The following KLF7 variants were observed in gnomAD, a reference collection of about 807,000 sequenced individuals.
KLF7 encodes Krueppel-like factor 7.
Under a neutral mutation model 27.3 loss-of-function variants are expected in KLF7, and 2 were observed. That is an observed-to-expected ratio of 0.07 (90% CI 0.03 to 0.23). The LOEUF (loss-of-function observed/expected upper bound fraction) is 0.23, where lower values mean the gene tolerates loss of function less well. Among genes scored for constraint, KLF7 ranks in the 10% least tolerant of loss-of-function variants. The pLI is 1.00. For synonymous variants in KLF7, 165 were observed against 162.4 expected, an observed-to-expected ratio of 1.02 and a Z score of -0.12; for missense variants, 221 against 394.1, an observed-to-expected ratio of 0.56 and a Z score of 3.72.
intron 1 of KLF7, among the ~76,000 whole-genome samples, chr2:207,141,283 T>C (rs2077936153): frequency 6.6e-6 from 1 of 152,220 alleles, no homozygotes; most frequent in Non-Finnish European, 1.5e-5. Flanking sequence ...CTGCAGTTTC[T>C]GCTCAGTCTC....
At chr2:207,102,616 G>C (rs1372879748) in intron 2 of KLF7, among the ~76,000 whole-genome samples, 1 of 152,112 alleles carries the variant, frequency 6.6e-6, no homozygotes, top group Non-Finnish European at 1.5e-5. Context: ...AAACTACAAT[G>C]TACTAGGATG....
At chr2:207,112,174 C>CTTTTT (rs1553525812) in intron 2 of KLF7, among the ~76,000 whole-genome samples, 3 of 149,188 alleles carry the variant, frequency 2.0e-5, no homozygotes, top group Non-Finnish European at 4.4e-5. Context: ...TGGGCAAATG[C>CTTTTT]TTTTGAGTGA....
intron 2 of KLF7, among the ~76,000 whole-genome samples, chr2:207,114,366 T>C (rs1456228000): frequency 1.3e-5 from 2 of 152,216 alleles, no homozygotes; most frequent in Non-Finnish European, 2.9e-5. Context: ...GGATGTTGCA[T>C]ATCCCATAGT....
intron 2 of KLF7, among the ~76,000 whole-genome samples, chr2:207,099,078 C>T (rs1405477346): frequency 6.6e-6 from 1 of 151,996 alleles, no homozygotes; most frequent in East Asian, 1.9e-4. Flanking sequence ...AGAAGTAAAC[C>T]AACAGAGAAA....
intron 3 of KLF7, among the ~76,000 whole-genome samples, chr2:207,084,859 C>T (rs1446171636): frequency 2.6e-5 from 4 of 152,020 alleles, no homozygotes; most frequent in Admixed American, 6.6e-5. Context: ...TCATTTCTCT[C>T]GTTTATGAAA....
Position 207,110,160 on chromosome 2 carries a change from GT to G in KLF7, c.733+13613del, listed in dbSNP as rs1295653741. The G allele has an allele frequency of 1.9e-5, 3 of 154,798 alleles. No homozygotes were observed. In the East Asian group the frequency reaches 5.8e-4, roughly 30 times the overall value. The allele number at this position is 154,798 out of a possible 1,614,324, so 9.6% of individuals were successfully genotyped here. ...CTGACAAAATGCAGACATAAAGTAT[GT>G]GTCCATTAGATAAGGCAATTTAAAT... On this transcript the variant is annotated intron_variant, in intron 2 of 3. Transcript: ENST00000309446.
intron 1 of KLF7, among the ~76,000 whole-genome samples, chr2:207,147,448 T>C (rs1282670094): frequency 6.6e-6 from 1 of 152,208 alleles, no homozygotes; most frequent in Non-Finnish European, 1.5e-5. Flanking sequence ...TGCTTATATA[T>C]CCTTTTATTT....
intron 1 of KLF7, among the ~76,000 whole-genome samples, chr2:207,150,121 C>T (rs1272328729): frequency 6.6e-6 from 1 of 152,044 alleles, no homozygotes; most frequent in Non-Finnish European, 1.5e-5. Flanking sequence ...CACACACATA[C>T]AGACATATAC....
At chr2:207,166,002 C>G (rs1457055925), upstream of KLF7, 6 of 990,324 alleles carry the variant, frequency 6.1e-6, no homozygotes, top group Non-Finnish European at 7.2e-6. Flanking sequence ...TTTTTTCTCT[C>G]GCGATCGCTT....
chr2:207,139,778 G>T (rs990187272), intron 1 of KLF7, among the ~76,000 whole-genome samples: 4 of 152,158 alleles, frequency 2.6e-5, no homozygotes, highest in African/African-American at 9.7e-5. Flanking sequence ...GCAAGTCTTG[G>T]TTGAATTGTT....
At position 207,088,559 on chromosome 2, in the gene KLF7, T is replaced by C. The variant is rs369053904; in HGVS notation, c.756A>G (p.Ser252=). 7 of 1,613,830 alleles carry C rather than the reference T, an allele frequency of 4.3e-6. No homozygotes were observed. In the African/African-American group the frequency reaches 5.3e-5, roughly 12 times the overall value. The change falls in exon 3 of 4, where the codon TCA becomes TCG. Residue 252 remains serine, a synonymous_variant. Transcript: ENST00000309446. ...CAAAACGCCACTCACATCCCTCCCA[T>C]GAGCACTTATAAGGCTTCTCACCTG... ...THTGEKPYKC[S]WEGCEWRFAR...
upstream of KLF7, chr2:207,167,340 T>A (rs2106166299): frequency 2.7e-6 from 1 of 365,538 alleles, no homozygotes; most frequent in Non-Finnish European, 4.8e-6. Flanking sequence ...CAAAATGCGC[T>A]GTGAGCTGAG....
intron 2 of KLF7, among the ~76,000 whole-genome samples, chr2:207,119,073 G>A (rs749360626): frequency 1.5e-4 from 23 of 152,062 alleles, no homozygotes; most frequent in Non-Finnish European, 1.3e-4. Context: ...TATATTGTTC[G>A]GGACAAAATC....
At chr2:207,134,283 T>C (rs1477142485) in intron 1 of KLF7, 6 of 599,794 alleles carry the variant, frequency 1.0e-5, no homozygotes, top group Non-Finnish European at 1.7e-5. Context: ...CACAGACACA[T>C]ACGATTACTT....
chr2:207,098,178 T>C (rs1372467698), intron 2 of KLF7, among the ~76,000 whole-genome samples: 2 of 152,222 alleles, frequency 1.3e-5, no homozygotes, highest in African/African-American at 4.8e-5. Context: ...TTGTTCTTTT[T>C]GTTTTTCAAG....
intron 2 of KLF7, among the ~76,000 whole-genome samples, chr2:207,098,101 A>G (rs1210340614): frequency 6.6e-6 from 1 of 152,104 alleles, no homozygotes; most frequent in Non-Finnish European, 1.5e-5. Flanking sequence ...TGGGGAAACT[A>G]TATTTATTAT....
At chr2:207,083,243 C>T (rs1251660261) in intron 3 of KLF7, among the ~76,000 whole-genome samples, 3 of 152,140 alleles carry the variant, frequency 2.0e-5, no homozygotes, top group Non-Finnish European at 1.5e-5. Context: ...TGGCATAATT[C>T]ATGTCCTGAG....
At chr2:207,167,175 A>G (rs746672407), upstream of KLF7, 6 of 1,425,642 alleles carry the variant, frequency 4.2e-6, no homozygotes, top group South Asian at 7.1e-5. Flanking sequence ...CAGAGCTTCG[A>G]TGGTGAGAGG....
At position 207,165,653 on chromosome 2, in the gene KLF7, C is replaced by G. The variant is rs2078685127; in HGVS notation, c.-85G>C. On this transcript the variant is annotated 5_prime_UTR_variant, in exon 1 of 4. Transcript: ENST00000309446. ...TTGTTTGTCAGTCTGTCTGGCTCAC[C>G]CCCCAAGAAGGCAGACATCCAGTGG... 3.8e-6 allele frequency: 6 copies of G among 1,590,232 alleles called. No homozygotes were observed. The highest frequency in any genetic ancestry group is 5.1e-6 in the Non-Finnish European group (6 of 1,168,182).
Sources: allele counts gnomAD v4.1 joint callset (sites outside exome capture counted in the v4.1 genomes callset), GRCh38; gene constraint gnomAD v4.1.1; transcripts MANE v1.5; gene names NCBI Gene and HGNC (gene_info 2026-07-23, HGNC 2026-07-21).